ALK: variants seen among roughly 807,000 people sequenced by gnomAD.
ALK encodes ALK tyrosine kinase receptor.
In ALK, 74 loss-of-function variants were observed where a neutral mutation model predicts 163.1. The ratio of observed to expected loss-of-function variants is 0.45; its 90% confidence interval spans 0.38 to 0.55. The LOEUF is 0.55. Among genes scored for constraint, ALK ranks in the 20% least tolerant of loss-of-function variants. The pLI, the probability that ALK is intolerant of heterozygous loss-of-function variation, is 0.00. For synonymous variants in ALK, 960 were observed against 843.2 expected, an observed-to-expected ratio of 1.14 and a Z score of -2.40; for missense variants, 2,063 against 2,105.3, an observed-to-expected ratio of 0.98 and a Z score of 0.39.
At chr2:29,283,061 G>A (rs1203545059) in intron 9 of ALK, among the ~76,000 whole-genome samples, 1 of 152,210 alleles carries the variant, frequency 6.6e-6, no homozygotes, top group Admixed American at 6.5e-5. Flanking sequence ...GGTCCAGCAA[G>A]CGAGGGGCCT....
intron 9 of ALK, among the ~76,000 whole-genome samples, chr2:29,291,319 A>G (rs1438357641): frequency 6.6e-6 from 1 of 151,994 alleles, no homozygotes; most frequent in Admixed American, 6.6e-5. Context: ...AGCTGTGATC[A>G]TGCCACTGCA....
chr2:29,837,424 T>C (rs1363549111), intron 1 of ALK, among the ~76,000 whole-genome samples: 1 of 152,216 alleles, frequency 6.6e-6, no homozygotes, highest in Non-Finnish European at 1.5e-5. Flanking sequence ...GGCTGAATAC[T>C]GTGCTGCACA....
intron 1 of ALK, among the ~76,000 whole-genome samples, chr2:29,754,704 A>AATT (rs1340927033): frequency 1.3e-5 from 2 of 151,954 alleles, no homozygotes; most frequent in African/African-American, 4.8e-5. Context: ...TAATAATAAT[A>AATT]ATAATAATAA....
chr2:29,644,463 T>G (rs1676815536), intron 3 of ALK, among the ~76,000 whole-genome samples: 1 of 152,134 alleles, frequency 6.6e-6, no homozygotes, highest in African/African-American at 2.4e-5. Flanking sequence ...CACCTAGAGC[T>G]GCTTCTAGCT....
rs545420973 is a variant in ALK at position 29,486,611 on chromosome 2, G to A, written c.1154+45304C>T. On this transcript the variant is annotated intron_variant, in intron 4 of 28. Transcript: ENST00000389048. ...CTTAAGAGAGATACGGGCATGCCCTGTTTTATAACAAAGGAGCAACATGGA... is the reference window on the plus strand; with the variant it reads ...CTTAAGAGAGATACGGGCATGCCCTATTTTATAACAAAGGAGCAACATGGA... Among the ~76,000 whole-genome samples, 3 of 152,294 alleles carry A rather than the reference G, an allele frequency of 2.0e-5. No homozygotes were observed. In the South Asian group the frequency reaches 6.2e-4, roughly 32 times the overall value.
chr2:29,314,572 T>G (rs1183609814), intron 8 of ALK, among the ~76,000 whole-genome samples: 1 of 152,204 alleles, frequency 6.6e-6, no homozygotes, highest in South Asian at 2.1e-4. Flanking sequence ...AAACCAGCAT[T>G]GAGGAACTGA....
At chr2:29,505,647 G>A (rs1432633382) in intron 4 of ALK, among the ~76,000 whole-genome samples, 3 of 152,064 alleles carry the variant, frequency 2.0e-5, no homozygotes, top group Admixed American at 6.5e-5. Context: ...TACAGTGGCT[G>A]TAGGCTTCAG....
chr2:29,567,102 T>C (rs1363994617), intron 3 of ALK, among the ~76,000 whole-genome samples: 3 of 152,184 alleles, frequency 2.0e-5, no homozygotes, highest in Non-Finnish European at 2.9e-5. Context: ...CAAGGAACTC[T>C]GGGGTGGTGC....
At chr2:29,490,639 G>A (rs1316841833) in intron 4 of ALK, among the ~76,000 whole-genome samples, 1 of 152,158 alleles carries the variant, frequency 6.6e-6, no homozygotes, top group Non-Finnish European at 1.5e-5. Context: ...TCAGGCCCTT[G>A]GATTTTATGG....
At chr2:29,295,261 G>A (rs376836079) in intron 9 of ALK, among the ~76,000 whole-genome samples, 29 of 152,272 alleles carry the variant, frequency 1.9e-4, no homozygotes, top group African/African-American at 6.7e-4. Context: ...GGATGAGAGT[G>A]AACCGAGTCA....
intron 5 of ALK, among the ~76,000 whole-genome samples, chr2:29,341,482 G>A (rs1459532825): frequency 6.6e-6 from 1 of 152,226 alleles, no homozygotes; most frequent in Non-Finnish European, 1.5e-5. Context: ...GGGCCCAGTG[G>A]CATGTGCCTG....
intron 1 of ALK, among the ~76,000 whole-genome samples, chr2:29,719,516 C>T (rs1679365658): frequency 6.6e-6 from 1 of 152,118 alleles, no homozygotes; most frequent in Non-Finnish European, 1.5e-5. Flanking sequence ...GTTTATTAGC[C>T]TTTTAAAAAA....
At chr2:29,494,992 G>A (rs1054487408) in intron 4 of ALK, among the ~76,000 whole-genome samples, 6 of 152,100 alleles carry the variant, frequency 3.9e-5, no homozygotes, top group Non-Finnish European at 7.4e-5. Flanking sequence ...GCTCACCTGC[G>A]ATAGCAGACT....
intron 19 of ALK, among the ~76,000 whole-genome samples, 157 bp downstream of exon 19, chr2:29,225,304 C>T (rs964430633): frequency 1.9e-4 from 29 of 152,222 alleles, no homozygotes; most frequent in East Asian, 9.7e-4. Context: ...TGGGAGCTTC[C>T]GTTTTGGCTT....
At chr2:29,563,338 G>C (rs77528954) in intron 3 of ALK, among the ~76,000 whole-genome samples, 1,606 of 152,308 alleles carry the variant, frequency 0.011, 17 homozygotes, top group African/African-American at 0.027. Context: ...ACGGGGTGGA[G>C]AGTCTATATA....
intron 4 of ALK, among the ~76,000 whole-genome samples, chr2:29,525,661 G>A (rs1191739366): frequency 6.6e-6 from 1 of 151,746 alleles, no homozygotes; most frequent in Non-Finnish European, 1.5e-5. Context: ...GTGGTGGTGG[G>A]GGCCTGTAAT....
intron 5 of ALK, among the ~76,000 whole-genome samples, chr2:29,364,075 A>G (rs1192576604): frequency 6.6e-6 from 1 of 152,214 alleles, no homozygotes; most frequent in African/African-American, 2.4e-5. Flanking sequence ...CAAAATGGGG[A>G]AAATCTGAAT....
Position 29,706,426 on chromosome 2 carries a change from C to T in ALK, c.787+11152G>A, listed in dbSNP as rs962044025. On this transcript the variant is annotated intron_variant, in intron 2 of 28. Transcript: ENST00000389048. ...TAAGTATCCAACCTGGCCCCTACCC[C>T]CTCTGCCCACAACCACTGTTCATTT... 2.6e-5 allele frequency among the ~76,000 whole-genome samples: 4 copies of T among 152,206 alleles called. 1 individual carries two copies. Among genetic ancestry groups the T allele is most frequent in the Admixed American group, 6.5e-5 (1 of 15,282 alleles).
At chr2:29,777,357 G>A (rs1419286127) in intron 1 of ALK, among the ~76,000 whole-genome samples, 1 of 152,126 alleles carries the variant, frequency 6.6e-6, no homozygotes, top group Non-Finnish European at 1.5e-5. Context: ...CACTGGCTGA[G>A]GTCACCTGAC....
Sources: allele counts gnomAD v4.1 joint callset (sites outside exome capture counted in the v4.1 genomes callset), GRCh38; gene constraint gnomAD v4.1.1; transcripts MANE v1.5; gene names NCBI Gene and HGNC (gene_info 2026-07-23, HGNC 2026-07-21).